Variants in STPG2 observed in about 807,000 individuals in gnomAD.
The protein encoded by STPG2 is sperm tail PG-rich repeat containing 2, also known as sperm-tail PG-rich repeat-containing protein 2.
STPG2 carries 56 observed loss-of-function variants against 54.2 expected under a neutral mutation model. That is an observed-to-expected ratio of 1.03 (90% CI 0.83 to 1.29). STPG2 has a LOEUF of 1.29. STPG2 is among the 50% of genes most tolerant of loss of function. The pLI is 0.00. For synonymous variants in STPG2, 200 were observed against 181.8 expected, an observed-to-expected ratio of 1.10 and a Z score of -0.81; for missense variants, 596 against 544.9, an observed-to-expected ratio of 1.09 and a Z score of -0.93.
intron 3 of STPG2, among the ~76,000 whole-genome samples, chr4:98,122,144 A>G (rs1379572607): frequency 6.6e-6 from 1 of 152,194 alleles, no homozygotes; most frequent in Non-Finnish European, 1.5e-5. Flanking sequence ...GTCACCTGCA[A>G]ACAAAGATAA....
At chr4:98,076,293 C>A (rs1410433194) in intron 5 of STPG2, among the ~76,000 whole-genome samples, 1 of 150,814 alleles carries the variant, frequency 6.6e-6, no homozygotes, top group Non-Finnish European at 1.5e-5. Context: ...TCCACGTAAT[C>A]CAATATGAAA....
At chr4:97,905,906 A>T (rs1731395774) in intron 8 of STPG2, among the ~76,000 whole-genome samples, 1 of 152,204 alleles carries the variant, frequency 6.6e-6, no homozygotes, top group Non-Finnish European at 1.5e-5. Context: ...TGCCCACAAG[A>T]GAAAGCAGGA....
At chr4:97,720,881 G>A (rs1367631207) in intron 9 of STPG2, among the ~76,000 whole-genome samples, 1 of 151,844 alleles carries the variant, frequency 6.6e-6, no homozygotes, top group Non-Finnish European at 1.5e-5. Context: ...AGAGTTAAAT[G>A]CTATTTTTCT....
chr4:97,957,035 C>A (rs1052179390), intron 7 of STPG2, among the ~76,000 whole-genome samples: 3 of 147,098 alleles, frequency 2.0e-5, no homozygotes, highest in Non-Finnish European at 3.0e-5. Context: ...ATCAAAAAGG[C>A]GTCAGAGAAA....
intron 8 of STPG2, among the ~76,000 whole-genome samples, chr4:97,941,045 C>A (rs951107120): frequency 2.3e-4 from 35 of 152,102 alleles, no homozygotes; most frequent in African/African-American, 7.9e-4. Context: ...TTTCTTGATT[C>A]ATTTAATTGA....
chr4:97,812,486 G>T (rs1197424305), intron 9 of STPG2, among the ~76,000 whole-genome samples: 1 of 151,948 alleles, frequency 6.6e-6, no homozygotes, highest in Non-Finnish European at 1.5e-5. Flanking sequence ...TATCTAAGAG[G>T]CTTTTCATAC....
At chr4:98,049,801 G>A (rs150726458) in intron 5 of STPG2, among the ~76,000 whole-genome samples, 5 of 152,252 alleles carry the variant, frequency 3.3e-5, no homozygotes, top group Non-Finnish European at 2.9e-5. Flanking sequence ...ATTACAAAGA[G>A]AGAGAAAACA....
chr4:97,646,406 T>C (rs79506791), intron 10 of STPG2, among the ~76,000 whole-genome samples: 7,838 of 152,210 alleles, frequency 0.051, 300 homozygotes, highest in South Asian at 0.17. Context: ...CTTCTTTCAT[T>C]TCATGAAGGA....
intron 9 of STPG2, among the ~76,000 whole-genome samples, chr4:97,837,604 A>G (rs1175820796): frequency 6.6e-6 from 1 of 151,668 alleles, no homozygotes; most frequent in Non-Finnish European, 1.5e-5. Flanking sequence ...TCTTCATTAG[A>G]CAATTCTAAC....
intron 4 of STPG2, among the ~76,000 whole-genome samples, chr4:97,484,239 A>G (rs1461269619): frequency 6.6e-6 from 1 of 151,794 alleles, no homozygotes; most frequent in Non-Finnish European, 1.5e-5. Context: ...AATAAATTAA[A>G]TTGAAACAAA....
intron 4 of STPG2, among the ~76,000 whole-genome samples, chr4:97,480,994 C>T (rs544861258): frequency 7.5e-4 from 114 of 151,560 alleles, no homozygotes; most frequent in African/African-American, 2.7e-3. Flanking sequence ...AGATTTCCTA[C>T]TAGAATTTTA....
intron 9 of STPG2, among the ~76,000 whole-genome samples, chr4:97,815,545 C>T (rs1190797475): frequency 1.3e-5 from 2 of 152,104 alleles, no homozygotes; most frequent in Non-Finnish European, 2.9e-5. Context: ...TCTTTCCTCA[C>T]TCTCTTGTCA....
chr4:97,605,317 C>T (rs1463262941), intron 10 of STPG2, among the ~76,000 whole-genome samples: 1 of 151,816 alleles, frequency 6.6e-6, no homozygotes, highest in South Asian at 2.1e-4. Context: ...CTTCAATATA[C>T]AATATACTTA....
At chr4:98,015,715 T>C (rs1290583348) in intron 5 of STPG2, among the ~76,000 whole-genome samples, 1 of 152,118 alleles carries the variant, frequency 6.6e-6, no homozygotes, top group East Asian at 1.9e-4. Flanking sequence ...GGGTATATAC[T>C]CAAAGGATTA....
intron 4 of STPG2, among the ~76,000 whole-genome samples, chr4:97,508,698 C>A (rs1169517943): frequency 2.6e-5 from 4 of 151,778 alleles, no homozygotes; most frequent in African/African-American, 9.7e-5. Flanking sequence ...ATGATGTTAT[C>A]AAAATAAGTA....
At chr4:97,796,848 G>C (rs1190417389) in intron 9 of STPG2, among the ~76,000 whole-genome samples, 5 of 152,104 alleles carry the variant, frequency 3.3e-5, no homozygotes, top group Non-Finnish European at 7.4e-5. Flanking sequence ...TCTTCCATTT[G>C]TTTATGTCCT....
intron 8 of STPG2, among the ~76,000 whole-genome samples, chr4:97,899,282 T>C (rs114519238): frequency 0.02 from 3,071 of 152,052 alleles, 115 homozygotes; most frequent in African/African-American, 0.07. Context: ...GAAATATCTC[T>C]ACAATGAGAG....
chr4:98,100,791 T>C (rs1334577804), intron 5 of STPG2, among the ~76,000 whole-genome samples: 2 of 149,530 alleles, frequency 1.3e-5, no homozygotes, highest in African/African-American at 4.9e-5. Flanking sequence ...TTCTCGTGCC[T>C]CAGCCTCCTG....
At chr4:97,447,286 G>T (rs544571897) in intron 4 of STPG2, among the ~76,000 whole-genome samples, 1 of 152,308 alleles carries the variant, frequency 6.6e-6, no homozygotes, top group African/African-American at 2.4e-5. Context: ...TGAAAAATTT[G>T]CAGCCTTACC....
Sources: allele counts gnomAD v4.1 joint callset (sites outside exome capture counted in the v4.1 genomes callset), GRCh38; gene constraint gnomAD v4.1.1; transcripts MANE v1.5; gene names NCBI Gene and HGNC (gene_info 2026-07-23, HGNC 2026-07-21).